Variants in RIMS2 observed in about 807,000 individuals in gnomAD.
RIMS2 encodes the protein regulating synaptic membrane exocytosis protein 2.
A neutral mutation model predicts 174.4 loss-of-function variants in RIMS2; 59 were observed. That is an observed-to-expected ratio of 0.34 (90% confidence interval 0.27 to 0.42). RIMS2 has a LOEUF of 0.42. RIMS2 is among the 10% of genes least tolerant of loss of function. The probability of loss-of-function intolerance (pLI) is 1.00; values close to 1 mark genes in which losing one functional copy is unlikely to be tolerated. For missense variants in RIMS2, 1,620 were observed against 1,666.3 expected (o/e 0.97, Z 0.48); for synonymous variants, 606 against 572.5 (o/e 1.06, Z -0.84).
intron 3 of RIMS2, among the ~76,000 whole-genome samples, chr8:103,793,837 T>A (rs2098525040): frequency 6.6e-6 from 1 of 152,076 alleles, no homozygotes; most frequent in Admixed American, 6.5e-5. Flanking sequence ...TCATAATTAC[T>A]ACAAAGAGAA....
intron 1 of RIMS2, among the ~76,000 whole-genome samples, chr8:103,530,661 G>A (rs1160208907): frequency 1.3e-5 from 2 of 151,982 alleles, no homozygotes; most frequent in Non-Finnish European, 2.9e-5. Flanking sequence ...TATCACTAGA[G>A]GTAAGGAAGG....
chr8:103,912,556 A>G lies in RIMS2; in HGVS notation c.1812+384A>G, dbSNP rs76033255. Among the ~76,000 whole-genome samples the G allele has an allele frequency of 9.9e-3, 1,500 of 152,260 alleles. 19 individuals are homozygous for G. The highest frequency in any genetic ancestry group is 0.047 in the East Asian group (243 of 5,190). ...TGAAAATGAAAACTTGGGAAATGTA[A>G]TATGTATATATATGTATATTGCATA... On this transcript the variant is annotated intron_variant, in intron 6 of 23. Transcript: ENST00000504942.
At chr8:103,938,678 G>A (rs888205105) in intron 13 of RIMS2, among the ~76,000 whole-genome samples, 1 of 152,132 alleles carries the variant, frequency 6.6e-6, no homozygotes, top group Non-Finnish European at 1.5e-5. Context: ...AGAGTCCAAA[G>A]TCCAAAGTCT....
intron 19 of RIMS2, among the ~76,000 whole-genome samples, chr8:104,092,473 A>T (rs1293775900): frequency 6.6e-6 from 1 of 151,948 alleles, no homozygotes; most frequent in African/African-American, 2.4e-5. Flanking sequence ...TTTGATGTTT[A>T]TAGTAAGAAT....
At chr8:103,955,237 T>A (rs1179234153) in intron 14 of RIMS2, among the ~76,000 whole-genome samples, 1 of 152,106 alleles carries the variant, frequency 6.6e-6, no homozygotes, top group African/African-American at 2.4e-5. Flanking sequence ...GGAATCCTCC[T>A]TAACTCATTT....
intron 2 of RIMS2, among the ~76,000 whole-genome samples, chr8:103,725,823 C>T (rs1422583392): frequency 6.6e-6 from 1 of 152,126 alleles, no homozygotes; most frequent in East Asian, 1.9e-4. Context: ...TCTTACCAGC[C>T]AAATATGAAC....
chr8:103,943,897 T>A (rs1169515800), intron 14 of RIMS2, among the ~76,000 whole-genome samples: 1 of 152,162 alleles, frequency 6.6e-6, no homozygotes, highest in Non-Finnish European at 1.5e-5. Context: ...TGCCATGTCA[T>A]TTATTAATCA....
At chr8:103,553,839 G>T (rs554006702) in intron 1 of RIMS2, among the ~76,000 whole-genome samples, 1 of 135,004 alleles carries the variant, frequency 7.4e-6, no homozygotes, top group African/African-American at 2.6e-5. Flanking sequence ...GCATGGTACT[G>T]GTACAAAAAC....
chr8:103,823,778 G>A (rs1349730617), intron 3 of RIMS2, among the ~76,000 whole-genome samples: 1 of 150,852 alleles, frequency 6.6e-6, no homozygotes, highest in Non-Finnish European at 1.5e-5. Context: ...ACTTTTCATA[G>A]TTCTCAGGGT....
chr8:103,584,186 C>T (rs1451217711), intron 1 of RIMS2, among the ~76,000 whole-genome samples: 1 of 152,116 alleles, frequency 6.6e-6, no homozygotes, highest in Non-Finnish European at 1.5e-5. Context: ...AGTTGCATGA[C>T]ATATTTAATG....
chr8:103,766,225 A>G lies in RIMS2; in HGVS notation c.388-2A>G. On this transcript the variant is annotated splice_acceptor_variant, in intron 2 of 23. Coordinates refer to ENST00000504942, the Ensembl canonical transcript of RIMS2. LOFTEE classifies it high-confidence loss of function. ...TTTTTCCCCCTATGTCTTCATGTGC[A>G]GGTTATGTGGGTATGTAATTTGTGC... 1 of 1,596,440 alleles carries G rather than the reference A, an allele frequency of 6.3e-7. No individual in the cohort carries two copies. The highest frequency in any genetic ancestry group is 8.5e-7 in the Non-Finnish European group (1 of 1,169,662).
intron 1 of RIMS2, among the ~76,000 whole-genome samples, chr8:103,612,932 A>G (rs2095418790): frequency 6.6e-6 from 1 of 152,310 alleles, no homozygotes; most frequent in African/African-American, 2.4e-5. Context: ...GTGCTGAGCC[A>G]CCTGGAACTG....
At chr8:103,720,245 G>A (rs1490534786) in intron 2 of RIMS2, among the ~76,000 whole-genome samples, 1 of 152,034 alleles carries the variant, frequency 6.6e-6, no homozygotes, top group East Asian at 1.9e-4. Flanking sequence ...AAGCACATAG[G>A]CCTTCATAAC....
At chr8:103,974,041 G>A (rs2093184001) in intron 15 of RIMS2, among the ~76,000 whole-genome samples, 1 of 152,148 alleles carries the variant, frequency 6.6e-6, no homozygotes, top group South Asian at 2.1e-4. Flanking sequence ...TTACCTCAAA[G>A]TCAGACCAAC....
intron 1 of RIMS2, among the ~76,000 whole-genome samples, chr8:103,682,120 C>G (rs996148514): frequency 1.3e-5 from 2 of 151,910 alleles, no homozygotes; most frequent in African/African-American, 2.4e-5. Context: ...TGTGAGTTTT[C>G]TTGAATTTGA....
At chr8:103,990,500 C>A (rs1396621136) in intron 17 of RIMS2, among the ~76,000 whole-genome samples, 1 of 151,908 alleles carries the variant, frequency 6.6e-6, no homozygotes, top group Admixed American at 6.6e-5. Context: ...ATTTGCTTAA[C>A]TTTTTCATAG....
chr8:103,718,975 C>T (rs984962427), intron 2 of RIMS2, among the ~76,000 whole-genome samples: 4 of 152,070 alleles, frequency 2.6e-5, no homozygotes, highest in Non-Finnish European at 4.4e-5. Context: ...TAACTTCCTT[C>T]CCTCTTGCAA....
intron 19 of RIMS2, among the ~76,000 whole-genome samples, chr8:104,152,564 C>T (rs1457324315): frequency 1.3e-5 from 2 of 151,474 alleles, no homozygotes; most frequent in Non-Finnish European, 2.9e-5. Flanking sequence ...TCATAAGCTC[C>T]AAAAGTATTT....
intron 1 of RIMS2, among the ~76,000 whole-genome samples, chr8:103,544,566 C>G (rs1272157944): frequency 2.6e-5 from 4 of 152,230 alleles, no homozygotes; most frequent in African/African-American, 9.6e-5. Context: ...TACAGCCACA[C>G]CTGCTAGAGC....
Sources: gnomAD v4.1 joint callset for allele counts (sites outside exome capture counted in the v4.1 genomes callset) on GRCh38, gnomAD v4.1.1 for gene constraint, MANE v1.5 for transcripts, NCBI Gene and HGNC (gene_info 2026-07-23, HGNC 2026-07-21) for gene names.